Variants in UNC5B observed in about 807,000 individuals in gnomAD.
UNC5B encodes unc-5 netrin receptor B, also known as netrin receptor UNC5B.
UNC5B carries 56 observed loss-of-function variants against 103.7 expected under a neutral mutation model. The observed-to-expected ratio is 0.54, with a 90% CI of 0.44 to 0.67. UNC5B has a LOEUF of 0.67. Ranked by LOEUF, UNC5B falls within the 30% of genes least tolerant of loss-of-function variation. The probability of loss-of-function intolerance (pLI) is 0.00; values close to 1 mark genes in which losing one functional copy is unlikely to be tolerated. For synonymous variants in UNC5B, 577 were observed against 542.0 expected (o/e 1.06, Z -0.90); for missense variants, 1,194 against 1,284.5 (o/e 0.93, Z 1.08).
intron 1 of UNC5B, among the ~76,000 whole-genome samples, chr10:71,275,838 C>G (rs999873120): frequency 4.0e-5 from 6 of 151,800 alleles, no homozygotes; most frequent in African/African-American, 1.5e-4. Flanking sequence ...ACTGCACCAA[C>G]AAGTAGCTCC....
intron 1 of UNC5B, among the ~76,000 whole-genome samples, chr10:71,225,642 G>A (rs1843546669): frequency 6.6e-6 from 1 of 152,200 alleles, no homozygotes; most frequent in South Asian, 2.1e-4. Flanking sequence ...TTAGAAAACG[G>A]GGCAGGCAGG....
rs914710059 is a variant in UNC5B, at chr10:71,213,354, C to G, written c.79+290C>G. 1.3e-5 allele frequency among the ~76,000 whole-genome samples: 2 copies of G among 152,104 alleles called. No homozygotes were observed. The highest frequency in any genetic ancestry group is 3.9e-4 in the East Asian group (2 of 5,152). On this transcript the variant is annotated intron_variant, in intron 1 of 16. Coordinates refer to ENST00000335350, the MANE Select transcript of UNC5B (RefSeq NM_170744.5). The surrounding 1 kb of genome is among the most constrained non-coding windows in gnomAD (Gnocchi z 4.1). Reference sequence around the variant, plus strand: ...GTGTAGGAGTCAGGGTCTGAGTCTCCGGGAGGATCCGCCTCCTGGGGACGC... The same window carrying G: ...GTGTAGGAGTCAGGGTCTGAGTCTCGGGGAGGATCCGCCTCCTGGGGACGC...
At chr10:71,264,765 G>T (rs1299488057) in intron 1 of UNC5B, among the ~76,000 whole-genome samples, 2 of 152,138 alleles carry the variant, frequency 1.3e-5, no homozygotes, top group Admixed American at 6.5e-5. Context: ...GGGGGCAGGA[G>T]CCTGGGTTTT....
intron 14 of UNC5B, among the ~76,000 whole-genome samples, chr10:71,296,242 C>A (rs1433896295): frequency 6.6e-6 from 1 of 152,224 alleles, no homozygotes; most frequent in African/African-American, 2.4e-5. Flanking sequence ...GCTCCTCACC[C>A]TTCAGGGCAT....
intron 1 of UNC5B, among the ~76,000 whole-genome samples, chr10:71,235,613 G>C (rs796183240): frequency 2.2e-4 from 34 of 152,348 alleles, no homozygotes; most frequent in South Asian, 6.2e-4. Flanking sequence ...TCCCAGGCCA[G>C]ACGGTGGGAG....
At chr10:71,277,536 G>A (rs1169951951) in intron 1 of UNC5B, among the ~76,000 whole-genome samples, 1 of 152,212 alleles carries the variant, frequency 6.6e-6, no homozygotes. Flanking sequence ...TGGCAGGGAG[G>A]CCTCAGTGGC....
chr10:71,291,700 C>T lies in UNC5B; in HGVS notation c.1563C>T (p.Phe521=), dbSNP rs1845266124. 6.2e-7 allele frequency: 1 copy of T among 1,613,196 alleles called. No homozygotes were observed. Among genetic ancestry groups the T allele is most frequent in the South Asian group, 1.1e-5 (1 of 91,082 alleles). ...GCGATTTCGCCCGGGACACCCACTT[C>T]CTGCACCTGCGCAGCGCCAGCCTCG... The part of the protein sequence containing the change: ...YPSDFARDTH[F]LHLRSASLGS... The change falls in exon 10 of 17, where the codon TTC becomes TTT. Residue 521 remains phenylalanine (F), a synonymous_variant. Coordinates refer to ENST00000335350, the MANE Select transcript of UNC5B (RefSeq NM_170744.5).
At chr10:71,226,903 C>T (rs182654149) in intron 1 of UNC5B, among the ~76,000 whole-genome samples, 89 of 151,882 alleles carry the variant, frequency 5.9e-4, no homozygotes, top group African/African-American at 2.0e-3. Context: ...GATATATATA[C>T]CATGGAATAC....
intron 1 of UNC5B, among the ~76,000 whole-genome samples, chr10:71,229,136 C>A (rs972382583): frequency 2.0e-5 from 3 of 152,216 alleles, no homozygotes; most frequent in Admixed American, 6.5e-5. Context: ...TGTTGTCTCG[C>A]TAAAGAGCTG....
intron 1 of UNC5B, among the ~76,000 whole-genome samples, chr10:71,259,385 CAAAA>C (rs57245329): frequency 2.2e-5 from 2 of 90,262 alleles, no homozygotes; most frequent in Non-Finnish European, 2.5e-5. Flanking sequence ...GACTCCATCT[CAAAA>C]AAAAAAAAAA....
At position 71,292,572 on chromosome 10, in the gene UNC5B, C is replaced by A; in HGVS notation, c.1772+18C>A. On this transcript the variant is annotated intron_variant, in intron 11 of 16. Coordinates refer to ENST00000335350, the MANE Select transcript of UNC5B (RefSeq NM_170744.5). ...AGTACCCTGTGAGTAGAGCCCCAGCCGCTGCTCCTTTTTCTTCCTCCCATC... is the reference window on the plus strand; with the variant it reads ...AGTACCCTGTGAGTAGAGCCCCAGCAGCTGCTCCTTTTTCTTCCTCCCATC... The A allele has an allele frequency of 1.9e-6, 3 of 1,582,764 alleles. No individual in the cohort carries two copies. The highest frequency in any genetic ancestry group is 2.6e-6 in the Non-Finnish European group (3 of 1,162,626).
At chr10:71,284,617 G>C in intron 2 of UNC5B, 103 bp from the exon 3 acceptor site, 1 of 1,532,844 alleles carries the variant, frequency 6.5e-7, no homozygotes, top group Non-Finnish European at 8.8e-7. Context: ...AAGGCACTTG[G>C]GCAAGAGTGC....
At chr10:71,259,468 T>G (rs1391619091) in intron 1 of UNC5B, among the ~76,000 whole-genome samples, 1 of 152,014 alleles carries the variant, frequency 6.6e-6, no homozygotes, top group Non-Finnish European at 1.5e-5. Context: ...ATGAAGCACT[T>G]CTGCATCTAT....
intron 6 of UNC5B, among the ~76,000 whole-genome samples, chr10:71,288,130 G>A (rs138351925): frequency 6.5e-4 from 99 of 152,300 alleles, no homozygotes; most frequent in Non-Finnish European, 1.2e-3. Context: ...AAGACACACC[G>A]TGGCCACAGA....
chr10:71,287,774 C>T lies in UNC5B; in HGVS notation c.901+9C>T. 3 of 1,609,352 alleles carry T rather than the reference C, an allele frequency of 1.9e-6. No homozygotes were observed. Among genetic ancestry groups the T allele is most frequent in the Non-Finnish European group, 2.5e-6 (3 of 1,177,770 alleles). On this transcript the variant is annotated intron_variant, in intron 6 of 16. Transcript: ENST00000335350. ...CACCACCATCTGCCCAGGTAAGGAG[C>T]CTTGTCCATGTCCAGCCCCACCCCG...
intron 1 of UNC5B, among the ~76,000 whole-genome samples, chr10:71,265,953 T>C (rs1053502981): frequency 1.3e-5 from 2 of 152,146 alleles, no homozygotes; most frequent in African/African-American, 4.8e-5. Context: ...AAGGTGCACC[T>C]ATTCTACAGA....
chr10:71,282,375 C>G (rs559468012), intron 2 of UNC5B, among the ~76,000 whole-genome samples: 2 of 152,362 alleles, frequency 1.3e-5, no homozygotes, highest in African/African-American at 4.8e-5. Context: ...GATGCTGGGC[C>G]TCAAGCCTGG....
chr10:71,297,009 A>G (rs539276544), intron 15 of UNC5B, among the ~76,000 whole-genome samples: 13 of 141,602 alleles, frequency 9.2e-5, no homozygotes, highest in Non-Finnish European at 1.9e-4. Flanking sequence ...AAGGGCGGCC[A>G]GATATTCCGG....
At chr10:71,262,589 G>A (rs1189195250) in intron 1 of UNC5B, among the ~76,000 whole-genome samples, 3 of 152,166 alleles carry the variant, frequency 2.0e-5, no homozygotes, top group Admixed American at 2.0e-4. Context: ...GCTGGCACTG[G>A]GTTACAGCAG....
Sources: allele counts gnomAD v4.1 joint callset (sites outside exome capture counted in the v4.1 genomes callset), GRCh38; gene constraint gnomAD v4.1.1; non-coding constraint Gnocchi (gnomAD v3.1); transcripts MANE v1.5; gene names NCBI Gene and HGNC (gene_info 2026-07-23, HGNC 2026-07-21).